The following LHFPL3 variants were observed in gnomAD, a reference collection of about 807,000 sequenced individuals.
LHFPL3 encodes LHFPL tetraspan subfamily member 3, also known as LHFPL tetraspan subfamily member 3 protein.
A neutral mutation model predicts 19.3 loss-of-function variants in LHFPL3; 5 were observed. The ratio of observed to expected loss-of-function variants is 0.26; its 90% CI spans 0.14 to 0.54. LHFPL3 has a LOEUF of 0.54. LHFPL3 is among the 20% of genes least tolerant of loss of function. The pLI is 0.94. For synonymous variants in LHFPL3, 133 were observed against 126.2 expected (o/e 1.05, Z -0.36); for missense variants, 249 against 307.4 (o/e 0.81, Z 1.42).
chr7:104,543,527 A>C (rs1327665767), intron 1 of LHFPL3, among the ~76,000 whole-genome samples: 1 of 151,678 alleles, frequency 6.6e-6, no homozygotes, highest in African/African-American at 2.4e-5. Flanking sequence ...ATGTCCAACA[A>C]TGATAGACTG....
intron 1 of LHFPL3, among the ~76,000 whole-genome samples, chr7:104,684,405 A>C (rs1358447387): frequency 6.6e-6 from 1 of 152,270 alleles, no homozygotes; most frequent in Non-Finnish European, 1.5e-5. Flanking sequence ...GACTGTTGCA[A>C]CTGCTCAATT....
chr7:104,869,551 A>G (rs1287022110), intron 2 of LHFPL3, among the ~76,000 whole-genome samples: 1 of 152,112 alleles, frequency 6.6e-6, no homozygotes, highest in African/African-American at 2.4e-5. Context: ...ATACCATCTC[A>G]CACCAGTTAG....
chr7:104,374,449 C>A lies in LHFPL3; in HGVS notation c.445+45225C>A, dbSNP rs912906357. On this transcript the variant is annotated intron_variant, in intron 1 of 2. Coordinates refer to ENST00000424859, the MANE Select transcript of LHFPL3 (RefSeq NM_199000.3). ...TAGAGACGGGGTTTCACCGTGTTGG[C>A]CAGAATGGTCTCAATCTCTTGACCT... 7.2e-5 allele frequency among the ~76,000 whole-genome samples: 11 copies of A among 152,066 alleles called. No homozygotes were observed. In the South Asian group the frequency reaches 2.3e-3, roughly 32 times the overall value.
intron 2 of LHFPL3, among the ~76,000 whole-genome samples, chr7:104,859,991 T>A (rs952859333): frequency 2.0e-5 from 3 of 152,166 alleles, no homozygotes; most frequent in African/African-American, 7.2e-5. Context: ...GCTGCAAACC[T>A]AAAACTACTC....
At chr7:104,756,942 G>A (rs971479172) in intron 2 of LHFPL3, among the ~76,000 whole-genome samples, 9 of 152,134 alleles carry the variant, frequency 5.9e-5, no homozygotes, top group Admixed American at 2.0e-4. Context: ...AAATTTAAAT[G>A]TGCCTTTAAT....
intron 1 of LHFPL3, among the ~76,000 whole-genome samples, chr7:104,417,392 A>G (rs1478808863): frequency 6.6e-6 from 1 of 152,180 alleles, no homozygotes. Flanking sequence ...AGTGATTTTT[A>G]AAAGTTTCTT....
intron 1 of LHFPL3, among the ~76,000 whole-genome samples, chr7:104,567,427 G>T (rs1321788599): frequency 2.0e-5 from 3 of 152,134 alleles, no homozygotes; most frequent in Admixed American, 6.5e-5. Flanking sequence ...GGGTGATATG[G>T]ACTTTGTATA....
In LHFPL3 at chr7:104,723,700, C is replaced by T. The variant is rs377227399; in HGVS notation, c.446-12975C>T. Among the ~76,000 whole-genome samples, 409 of 111,640 alleles carry T rather than the reference C, an allele frequency of 3.7e-3. 3 individuals are homozygous for T. Among genetic ancestry groups the T allele is most frequent in the African/African-American group, 0.013 (376 of 28,432 alleles). The allele number at this position is 111,640 out of a possible 152,430, so 73.2% of individuals were successfully genotyped here. On this transcript the variant is annotated intron_variant, in intron 1 of 2. Transcript: ENST00000424859. Reference sequence around the variant, plus strand: ...TTGCACCATTGCACTCCAGCCTGGGCGACAGAGCAAGACTATGTCTCCAAA... The same window carrying T: ...TTGCACCATTGCACTCCAGCCTGGGTGACAGAGCAAGACTATGTCTCCAAA...
chr7:104,668,098 G>C (rs999595930), intron 1 of LHFPL3: 9 of 1,613,732 alleles, frequency 5.6e-6, no homozygotes, highest in Admixed American at 5.0e-5. Flanking sequence ...GAATTCTTTC[G>C]AGGATTAAAT....
intron 1 of LHFPL3, among the ~76,000 whole-genome samples, chr7:104,549,701 C>T (rs1048860421): frequency 6.6e-6 from 1 of 152,126 alleles, no homozygotes; most frequent in African/African-American, 2.4e-5. Context: ...GAACGTTTTG[C>T]TTAACATCTG....
chr7:104,458,473 A>G (rs1584333436), intron 1 of LHFPL3, among the ~76,000 whole-genome samples: 1 of 152,092 alleles, frequency 6.6e-6, no homozygotes, highest in South Asian at 2.1e-4. Flanking sequence ...CCATTGATCT[A>G]TACCTCTGTT....
intron 2 of LHFPL3, among the ~76,000 whole-genome samples, chr7:104,819,538 C>G (rs773074148): frequency 6.6e-6 from 1 of 152,136 alleles, no homozygotes; most frequent in South Asian, 2.1e-4. Context: ...TGCCTTTCCC[C>G]TTCTTCTCTC....
intron 1 of LHFPL3, among the ~76,000 whole-genome samples, chr7:104,572,237 T>G (rs1191927366): frequency 1.3e-5 from 2 of 152,300 alleles, no homozygotes; most frequent in Middle Eastern, 3.4e-3. Context: ...CTGCAGTTAC[T>G]TTTGCACCAA....
At chr7:104,668,553 C>T (rs1400347571) in intron 1 of LHFPL3, 6 of 1,612,868 alleles carry the variant, frequency 3.7e-6, no homozygotes, top group African/African-American at 1.3e-5. Flanking sequence ...CTATGATTCC[C>T]GGATAGGCAG....
At chr7:104,463,700 T>C (rs141215102) in intron 1 of LHFPL3, among the ~76,000 whole-genome samples, 2,078 of 152,242 alleles carry the variant, frequency 0.014, 16 homozygotes, top group Middle Eastern at 0.027. Context: ...TGATCAGATA[T>C]TATGAGAACT....
At chr7:104,589,819 T>C (rs1397064568) in intron 1 of LHFPL3, among the ~76,000 whole-genome samples, 1 of 152,252 alleles carries the variant, frequency 6.6e-6, no homozygotes, top group African/African-American at 2.4e-5. Flanking sequence ...AGGGATTCAG[T>C]TTCTTCCTGG....
At chr7:104,630,418 T>C (rs1343782456) in intron 1 of LHFPL3, among the ~76,000 whole-genome samples, 1 of 152,128 alleles carries the variant, frequency 6.6e-6, no homozygotes, top group East Asian at 1.9e-4. Context: ...ATAGGTCACC[T>C]TGTGCAGGGT....
At chr7:104,395,147 T>A (rs772693675) in intron 1 of LHFPL3, among the ~76,000 whole-genome samples, 12 of 152,086 alleles carry the variant, frequency 7.9e-5, no homozygotes, top group Non-Finnish European at 1.5e-4. Flanking sequence ...TAATGGTCAG[T>A]TTACAAAATC....
intron 2 of LHFPL3, among the ~76,000 whole-genome samples, chr7:104,855,696 T>C (rs2116624668): frequency 6.6e-6 from 1 of 151,826 alleles, no homozygotes; most frequent in African/African-American, 2.4e-5. Flanking sequence ...CAATCTCAGC[T>C]CACTGCAACC....
Sources: allele counts gnomAD v4.1 joint callset (sites outside exome capture counted in the v4.1 genomes callset), GRCh38; gene constraint gnomAD v4.1.1; transcripts MANE v1.5; gene names NCBI Gene and HGNC (gene_info 2026-07-23, HGNC 2026-07-21).